The following CATSPERT variants were observed in gnomAD, a reference collection of about 807,000 sequenced individuals.
The protein encoded by CATSPERT is catsper channel auxiliary subunit tau.
chr2:201,535,550 A>C, the CATSPERT span: 5 of 980,960 alleles, frequency 5.1e-6, no homozygotes, highest in African/African-American at 5.2e-5. Flanking sequence ...CAGGCTTTTA[A>C]ATTTCCTTTG....
the CATSPERT span, among the ~76,000 whole-genome samples, chr2:201,578,465 A>T: frequency 6.6e-6 from 1 of 152,180 alleles, no homozygotes; most frequent in Non-Finnish European, 1.5e-5. Context: ...CGGAAGTAAT[A>T]AGAAAACCTC....
chr2:201,589,157 A>G, the CATSPERT span, among the ~76,000 whole-genome samples: 1 of 152,224 alleles, frequency 6.6e-6, no homozygotes, highest in East Asian at 1.9e-4. Flanking sequence ...AAGAATCAAT[A>G]TCATTAAAAT....
chr2:201,579,390 G>T, the CATSPERT span, among the ~76,000 whole-genome samples: 1 of 152,018 alleles, frequency 6.6e-6, no homozygotes, highest in Admixed American at 6.6e-5. Context: ...ACAGGCAGGT[G>T]TCACCATGCC....
At chr2:201,540,737 T>C in the CATSPERT span, among the ~76,000 whole-genome samples, 10 of 152,238 alleles carry the variant, frequency 6.6e-5, no homozygotes, top group Admixed American at 6.5e-4. Flanking sequence ...CCTGCAAACA[T>C]AGATCCATTC....
At chr2:201,543,593 T>C in the CATSPERT span, among the ~76,000 whole-genome samples, 3 of 152,168 alleles carry the variant, frequency 2.0e-5, no homozygotes, top group Non-Finnish European at 4.4e-5. Context: ...TCCTAATTAT[T>C]TTATTCTTTT....
chr2:201,592,435 A>C, the CATSPERT span, among the ~76,000 whole-genome samples: 1 of 147,388 alleles, frequency 6.8e-6, no homozygotes, highest in Non-Finnish European at 1.5e-5. Context: ...TATTGGTCTA[A>C]AATTCTCTTT....
At chr2:201,493,474 C>T in the CATSPERT span, 1 of 1,537,194 alleles carries the variant, frequency 6.5e-7, no homozygotes, top group Non-Finnish European at 8.7e-7. Context: ...CAGCAAAGAA[C>T]TCTTATGGTG....
chr2:201,519,845 T>C, the CATSPERT span, among the ~76,000 whole-genome samples: 1 of 152,184 alleles, frequency 6.6e-6, no homozygotes, highest in South Asian at 2.1e-4. Context: ...ACCTTGAATA[T>C]AAATGAATTA....
the CATSPERT span, among the ~76,000 whole-genome samples, chr2:201,616,461 T>A: frequency 6.6e-6 from 1 of 152,172 alleles, no homozygotes; most frequent in Non-Finnish European, 1.5e-5. Context: ...AAAAACCACA[T>A]GATTATCTCA....
At chr2:201,614,512 G>A in the CATSPERT span, among the ~76,000 whole-genome samples, 1 of 152,170 alleles carries the variant, frequency 6.6e-6, no homozygotes. Flanking sequence ...CAAATGCTGA[G>A]AGATTTTGTC....
the CATSPERT span, among the ~76,000 whole-genome samples, chr2:201,617,024 G>C: frequency 6.6e-6 from 1 of 152,158 alleles, no homozygotes; most frequent in Non-Finnish European, 1.5e-5. Flanking sequence ...TCTCTTCAAG[G>C]AGAACTACAA....
chr2:201,574,770 T>C, the CATSPERT span, among the ~76,000 whole-genome samples: 3 of 152,160 alleles, frequency 2.0e-5, no homozygotes, highest in Non-Finnish European at 2.9e-5. Flanking sequence ...TTTCTGTTTT[T>C]TATGTTCCTA....
chr2:201,538,132 A>T, the CATSPERT span, among the ~76,000 whole-genome samples: 1 of 152,040 alleles, frequency 6.6e-6, no homozygotes, highest in Non-Finnish European at 1.5e-5. Context: ...CTAGAACTTC[A>T]TCATCTTGCA....
the CATSPERT span, among the ~76,000 whole-genome samples, chr2:201,566,182 A>G: frequency 6.6e-6 from 1 of 151,862 alleles, no homozygotes; most frequent in Non-Finnish European, 1.5e-5. Context: ...TTAGACCCAA[A>G]TCTCTAACTC....
At chr2:201,606,201 A>C in the CATSPERT span, among the ~76,000 whole-genome samples, 1 of 152,250 alleles carries the variant, frequency 6.6e-6, no homozygotes, top group Non-Finnish European at 1.5e-5. Flanking sequence ...AGGACTCACC[A>C]TGTGTCTAGA....
At chr2:201,619,144 G>C in the CATSPERT span, 1 of 1,613,554 alleles carries the variant, frequency 6.2e-7, no homozygotes, top group Admixed American at 1.7e-5. Context: ...TCCATCTTCT[G>C]CGGCCTGTCT....
At chr2:201,497,682 T>C in the CATSPERT span, among the ~76,000 whole-genome samples, 1 of 152,172 alleles carries the variant, frequency 6.6e-6, no homozygotes. Context: ...ATTGATTAGA[T>C]GAACATATAA....
the CATSPERT span, chr2:201,492,571 G>A: frequency 9.8e-6 from 15 of 1,533,196 alleles, no homozygotes; most frequent in Non-Finnish European, 1.3e-5. Context: ...TGGGTATATA[G>A]TCTCAGATGC....
chr2:201,600,339 G>A, the CATSPERT span, among the ~76,000 whole-genome samples: 1 of 152,196 alleles, frequency 6.6e-6, no homozygotes, highest in African/African-American at 2.4e-5. Context: ...CACAAGGACA[G>A]AAAAACAAAC....
Sources: allele counts gnomAD v4.1 joint callset (sites outside exome capture counted in the v4.1 genomes callset), GRCh38; gene constraint gnomAD v4.1.1; transcripts MANE v1.5; gene names NCBI Gene and HGNC (gene_info 2026-07-23, HGNC 2026-07-21).